Variants in GAREM1 observed in about 807,000 individuals in gnomAD.
GAREM1 encodes the protein GRB2-associated and regulator of MAPK protein 1.
GAREM1 carries 26 observed loss-of-function variants against 71.3 expected under a neutral mutation model. That is an observed-to-expected ratio of 0.36 (90% CI 0.27 to 0.51). The LOEUF (loss-of-function observed/expected upper bound fraction) is 0.51, where lower values mean the gene tolerates loss of function less well. GAREM1 is among the 20% of genes least tolerant of loss of function. The pLI, the probability that GAREM1 is intolerant of heterozygous loss-of-function variation, is 0.95. For synonymous variants in GAREM1, 440 were observed against 433.2 expected, an observed-to-expected ratio of 1.02 and a Z score of -0.20; for missense variants, 1,026 against 1,103.1, an observed-to-expected ratio of 0.93 and a Z score of 0.99.
intron 2 of GAREM1, among the ~76,000 whole-genome samples, chr18:32,318,949 A>C (rs649408): frequency 0.17 from 25,598 of 152,118 alleles, 2,409 homozygotes; most frequent in African/African-American, 0.24. Context: ...AAAATGGCTA[A>C]TGTGAGGAAA....
intron 2 of GAREM1, among the ~76,000 whole-genome samples, chr18:32,361,079 T>C (rs1473251589): frequency 6.6e-6 from 1 of 152,244 alleles, no homozygotes; most frequent in African/African-American, 2.4e-5. Context: ...TGCAACCACA[T>C]GAAAACGAAG....
chr18:32,301,873 C>A (rs2047205155), intron 3 of GAREM1, among the ~76,000 whole-genome samples: 1 of 152,086 alleles, frequency 6.6e-6, no homozygotes, highest in South Asian at 2.1e-4. Context: ...AATACTGGCA[C>A]CATACTTTAC....
intron 1 of GAREM1, among the ~76,000 whole-genome samples, chr18:32,436,495 T>C (rs1365531893): frequency 6.6e-6 from 1 of 152,148 alleles, no homozygotes; most frequent in East Asian, 1.9e-4. Flanking sequence ...AAATTCTGGG[T>C]AAAAGGTTAC....
intron 2 of GAREM1, among the ~76,000 whole-genome samples, chr18:32,353,287 A>T (rs1464122199): frequency 6.6e-6 from 1 of 152,196 alleles, no homozygotes; most frequent in Non-Finnish European, 1.5e-5. Flanking sequence ...TTTTCTGAGC[A>T]TAGGGGACAC....
At chr18:32,413,090 G>T (rs1170646398) in intron 1 of GAREM1, 1 of 1,532,426 alleles carries the variant, frequency 6.5e-7, no homozygotes, top group African/African-American at 1.4e-5. Context: ...GGCTCCTCAG[G>T]CTCTCATCAG....
Position 32,288,108 on chromosome 18 carries a change from A to G in GAREM1, c.489T>C (p.Leu163=). The G allele has an allele frequency of 6.2e-7, 1 of 1,614,128 alleles. No homozygotes were observed. Among genetic ancestry groups the G allele is most frequent in the Non-Finnish European group, 8.5e-7 (1 of 1,180,022 alleles). ...ACTTTTCCTTGAATGTCTTTGCATA[A>G]AGGATTTCTGCCTGCCCCATTAGAG... is the stretch of plus-strand genomic sequence containing the variant. ...ELTLMGQAEI[L]YAKTFKEKSR... The change falls in exon 4 of 6, where the codon CTT becomes CTC. Residue 163 remains leucine (L), a synonymous_variant. Coordinates refer to ENST00000269209, the MANE Select transcript of GAREM1 (RefSeq NM_001242409.2).
intron 1 of GAREM1, among the ~76,000 whole-genome samples, chr18:32,438,567 A>C (rs1158297871): frequency 6.6e-6 from 1 of 152,234 alleles, no homozygotes; most frequent in Non-Finnish European, 1.5e-5. Context: ...CTTGCAACAA[A>C]GGCGAGTCAA....
chr18:32,294,336 A>C (rs2047118336), intron 3 of GAREM1, among the ~76,000 whole-genome samples: 1 of 152,220 alleles, frequency 6.6e-6, no homozygotes, highest in Admixed American at 6.5e-5. Context: ...TGGGTAAAAC[A>C]AATGTGCTAA....
intron 4 of GAREM1, among the ~76,000 whole-genome samples, chr18:32,280,920 ACTT>A (rs1158057741): frequency 2.0e-5 from 3 of 152,116 alleles, no homozygotes; most frequent in Non-Finnish European, 2.9e-5. Flanking sequence ...GGAAAGTGTG[ACTT>A]CTTCTCTCCA....
chr18:32,343,992 T>A (rs2047671922), intron 2 of GAREM1, among the ~76,000 whole-genome samples: 1 of 152,162 alleles, frequency 6.6e-6, no homozygotes, highest in Admixed American at 6.5e-5. Context: ...CATCTTCAGG[T>A]CATTCCTCGC....
chr18:32,453,738 G>A (rs1256535393), intron 1 of GAREM1, among the ~76,000 whole-genome samples: 1 of 152,064 alleles, frequency 6.6e-6, no homozygotes, highest in African/African-American at 2.4e-5. Context: ...CAGGTTCCAG[G>A]GATTTCGATG....
intron 2 of GAREM1, among the ~76,000 whole-genome samples, chr18:32,371,712 G>A (rs2047981951): frequency 6.6e-6 from 1 of 152,052 alleles, no homozygotes; most frequent in African/African-American, 2.4e-5. Context: ...ATGGTACTCT[G>A]GATGATACCA....
chr18:32,393,416 A>G (rs1293529745), intron 1 of GAREM1, among the ~76,000 whole-genome samples: 1 of 152,194 alleles, frequency 6.6e-6, no homozygotes, highest in Non-Finnish European at 1.5e-5. Context: ...GGAGGTAGGT[A>G]AAAGGTAATG....
chr18:32,376,328 T>C (rs1329001495), intron 2 of GAREM1, among the ~76,000 whole-genome samples: 2 of 152,228 alleles, frequency 1.3e-5, no homozygotes, highest in East Asian at 3.9e-4. Context: ...TGTACTACTT[T>C]GTAAAAATTA....
At chr18:32,447,205 T>C (rs1472190367) in intron 1 of GAREM1, among the ~76,000 whole-genome samples, 1 of 152,238 alleles carries the variant, frequency 6.6e-6, no homozygotes, top group East Asian at 1.9e-4. Context: ...TTACATTTAC[T>C]ACACTATTCC....
chr18:32,431,562 A>T (rs2048624694), intron 1 of GAREM1, among the ~76,000 whole-genome samples: 1 of 152,188 alleles, frequency 6.6e-6, no homozygotes, highest in Non-Finnish European at 1.5e-5. Context: ...CAGGAGGTGG[A>T]GGTTGCAGTG....
At chr18:32,337,818 T>A (rs1049398224) in intron 2 of GAREM1, among the ~76,000 whole-genome samples, 1 of 152,174 alleles carries the variant, frequency 6.6e-6, no homozygotes, top group African/African-American at 2.4e-5. Flanking sequence ...GTTTTCTCAA[T>A]CATCGCCCGG....
At chr18:32,294,757 G>A (rs2047124106) in intron 3 of GAREM1, among the ~76,000 whole-genome samples, 2 of 151,936 alleles carry the variant, frequency 1.3e-5, no homozygotes, top group Admixed American at 1.3e-4. Context: ...AATTCTCTTG[G>A]GATTAGGTGA....
intron 2 of GAREM1, among the ~76,000 whole-genome samples, chr18:32,347,021 T>C (rs143814750): frequency 3.7e-4 from 57 of 152,294 alleles, no homozygotes; most frequent in African/African-American, 1.3e-3. Context: ...TTTGGAGAAG[T>C]CTGAATATAA....
Sources: allele counts gnomAD v4.1 joint callset (sites outside exome capture counted in the v4.1 genomes callset), GRCh38; gene constraint gnomAD v4.1.1; transcripts MANE v1.5; gene names NCBI Gene and HGNC (gene_info 2026-07-23, HGNC 2026-07-21).